Variants in GTF3A observed in about 807,000 individuals in gnomAD.
The protein encoded by GTF3A is general transcription factor IIIA.
In GTF3A, 40 loss-of-function variants were observed where a neutral mutation model predicts 37.6. That is an observed-to-expected ratio of 1.06 (90% CI 0.83 to 1.38). GTF3A has a LOEUF of 1.38. Among genes scored for constraint, GTF3A ranks in the 40% most tolerant of loss-of-function variants. GTF3A has a pLI of 0.00. For missense variants in GTF3A, 500 were observed against 462.6 expected, an observed-to-expected ratio of 1.08 and a Z score of -0.74; for synonymous variants, 191 against 166.7, an observed-to-expected ratio of 1.15 and a Z score of -1.12.
At chr13:27,425,011 GC>G in intron 1 of GTF3A, 73 bp downstream of exon 1, 1 of 1,149,314 alleles carries the variant, frequency 8.7e-7, no homozygotes, top group Non-Finnish European at 1.2e-6. Context: ...TGCAGTCGTG[GC>G]CAGGGCCGCA....
At chr13:27,434,754 A>G (rs1953693280) in intron 6 of GTF3A, 51 bp from the exon 7 acceptor site, 1 of 1,037,128 alleles carries the variant, frequency 9.6e-7, no homozygotes, top group East Asian at 2.4e-5. Flanking sequence ...AATTTTTTCT[A>G]AATGGTAATA....
In GTF3A at chr13:27,424,884, C is replaced by A. The variant is rs1333463250; in HGVS notation, c.147C>A (p.Ala49=). Residue 49 remains alanine, a synonymous_variant, in exon 1 of 9, where the codon GCC becomes GCA. Coordinates refer to ENST00000381140, the MANE Select transcript of GTF3A (RefSeq NM_002097.3). ...TCTGCTCCTTCCCTGACTGCAGCGC[C>A]AATTACAGCAAAGCCTGGAAGCTTG... 6.5e-7 allele frequency: 1 copy of A among 1,549,990 alleles called. No individual in the cohort carries two copies. The highest frequency in any genetic ancestry group is 1.2e-5 in the South Asian group (1 of 83,708).
intron 3 of GTF3A, 103 bp downstream of exon 3, chr13:27,430,069 T>G: frequency 1.9e-6 from 1 of 527,010 alleles, no homozygotes; most frequent in Non-Finnish European, 3.3e-6. Context: ...CCTATAATCG[T>G]AGCTTGAGGC....
chr13:27,434,560 C>G (rs1327667146), intron 6 of GTF3A: 1 of 565,416 alleles, frequency 1.8e-6, no homozygotes, highest in African/African-American at 1.9e-5. Flanking sequence ...TACCTCCCCA[C>G]AGTCACCTTC....
chr13:27,434,827 C>T lies in GTF3A; in HGVS notation c.666C>T (p.Cys222=), dbSNP rs777010621. 5.0e-6 allele frequency: 8 copies of T among 1,609,860 alleles called. No individual in the cohort carries two copies. Among genetic ancestry groups the T allele is most frequent in the Non-Finnish European group, 5.1e-6 (6 of 1,176,772 alleles). ...CAGAGGAAATACTATGTGAAGTATG[C>T]CGGAAAACATTTAAACGCAAAGATT... The change falls in exon 7 of 9, where the codon TGC becomes TGT. Residue 222 remains cysteine (C), a synonymous_variant. Transcript: ENST00000381140.
In GTF3A at chr13:27,434,212, C is replaced by T. The variant is rs772435835; in HGVS notation, c.636C>T (p.Thr212=). 3.3e-5 allele frequency: 41 copies of T among 1,245,398 alleles called. No homozygotes were observed. Among genetic ancestry groups the T allele is most frequent in the Non-Finnish European group, 4.5e-5 (38 of 843,362 alleles). The allele number at this position is 1,245,398 out of a possible 1,614,324, so 77.1% of individuals were successfully genotyped here. The change falls in exon 6 of 9, where the codon ACC becomes ACT. Residue 212 remains threonine (T), a synonymous_variant. Transcript: ENST00000381140. ...AACTTCTGAAACATGTGAGAGAAAC[C>T]CATAAAGGTAAGGCAGGCATGAATG...
chr13:27,426,066 C>T (rs1172354122), intron 1 of GTF3A: 1 of 152,662 alleles, frequency 6.6e-6, no homozygotes, highest in Non-Finnish European at 1.5e-5. Context: ...TCATAACATC[C>T]TTTATGCTTT....
chr13:27,433,526 A>C (rs1358816408), intron 5 of GTF3A, among the ~76,000 whole-genome samples: 205 of 44,984 alleles, frequency 4.6e-3, no homozygotes, highest in Admixed American at 0.014. Flanking sequence ...AAAAAAAAAA[A>C]CAAAAAAAAA....
intron 2 of GTF3A, 90 bp downstream of exon 2, chr13:27,427,282 G>A (rs1953614622): frequency 1.4e-6 from 1 of 717,308 alleles, no homozygotes; most frequent in East Asian, 2.7e-5. Context: ...CACGAGATCA[G>A]GAATGTGAAG....
chr13:27,432,123 A>G (rs1247765660), intron 4 of GTF3A, among the ~76,000 whole-genome samples: 1 of 152,212 alleles, frequency 6.6e-6, no homozygotes. Context: ...CAAGTTGGGT[A>G]GACCTGCAAA....
chr13:27,427,572 T>G (rs955515010), intron 2 of GTF3A, among the ~76,000 whole-genome samples: 4 of 152,046 alleles, frequency 2.6e-5, no homozygotes, highest in Non-Finnish European at 5.9e-5. Context: ...AGATGCTCTC[T>G]GCAAAGCCAT....
chr13:27,424,629 G>T lies in GTF3A; in HGVS notation c.-109G>T. 1.4e-6 allele frequency: 1 copy of T among 702,838 alleles called. No individual in the cohort carries two copies. The highest frequency in any genetic ancestry group is 2.0e-6 in the Non-Finnish European group (1 of 502,206). 43.5% of individuals were successfully genotyped at this position (702,838 alleles called of 1,614,324 possible). ...CGCGCGCGCTCCCGGAAGTGTGCCGGCGTCGCGCGAAGGTTCAGCAGGGAG... is the reference window on the plus strand; with the variant it reads ...CGCGCGCGCTCCCGGAAGTGTGCCGTCGTCGCGCGAAGGTTCAGCAGGGAG... On this transcript the variant is annotated 5_prime_UTR_variant, in exon 1 of 9. Coordinates refer to ENST00000381140, the MANE Select transcript of GTF3A (RefSeq NM_002097.3).
chr13:27,427,993 G>T (rs1953621311), intron 2 of GTF3A, among the ~76,000 whole-genome samples: 1 of 152,170 alleles, frequency 6.6e-6, no homozygotes, highest in African/African-American at 2.4e-5. Flanking sequence ...CATGTGGTAG[G>T]CTGGGTGTGG....
intron 3 of GTF3A, 117 bp from the exon 4 acceptor site, chr13:27,430,416 G>GTT (rs746151956): frequency 7.5e-5 from 46 of 616,430 alleles, no homozygotes; most frequent in Non-Finnish European, 1.2e-4. Context: ...TAACAAAATG[G>GTT]GTGAAAGCAG....
At chr13:27,424,977 G>A in intron 1 of GTF3A, 39 bp downstream of exon 1, 1 of 1,464,574 alleles carries the variant, frequency 6.8e-7, no homozygotes, top group South Asian at 1.3e-5. Flanking sequence ...GCCTAGGGAT[G>A]GCGCGTGGCC....
rs758341414 is a variant in GTF3A, at chr13:27,427,187, G to A, written c.297G>A (p.Pro99=). ...TTCTGACTCACACAGGAGAAAAGCC[G>A]TTTGTGTAAGTAGAGACCTGTTTTT... Residue 99 remains proline, a synonymous_variant, in exon 2 of 9, where the codon CCG becomes CCA. Transcript: ENST00000381140. 28 of 1,546,180 alleles carry A rather than the reference G, an allele frequency of 1.8e-5. No homozygotes were observed. Among genetic ancestry groups the A allele is most frequent in the African/African-American group, 2.7e-5 (2 of 73,716 alleles).
rs1566078721 is a variant in GTF3A at position 27,435,667 on chromosome 13, T to C, written c.*70T>C. 1 of 1,613,442 alleles carries C rather than the reference T, an allele frequency of 6.2e-7. No homozygotes were observed. The highest frequency in any genetic ancestry group is 8.5e-7 in the Non-Finnish European group (1 of 1,179,628). ...CTTTCTCTCAGAGCATGCTTTTCTT[T>C]ATTAAAATTACTGATGCAGAACATT... On this transcript the variant is annotated 3_prime_UTR_variant, in exon 9 of 9. Coordinates refer to ENST00000381140, the MANE Select transcript of GTF3A (RefSeq NM_002097.3).
In GTF3A at chr13:27,427,127, G is replaced by A. The variant is rs1375463539; in HGVS notation, c.237G>A (p.Lys79=). 4 of 1,605,534 alleles carry A rather than the reference G, an allele frequency of 2.5e-6. No individual in the cohort carries two copies. The highest frequency in any genetic ancestry group is 3.4e-6 in the Non-Finnish European group (4 of 1,172,718). The change falls in exon 2 of 9, where the codon AAG becomes AAA. Residue 79 remains lysine, a synonymous_variant. Transcript: ENST00000381140. ...TTTGTGACTATGAAGGGTGTGGCAA[G>A]GCCTTCATCAGGGACTACCATCTGA...
Position 27,426,859 on chromosome 13 carries a change from A to G in GTF3A, c.202-233A>G, listed in dbSNP as rs2296071. 0.058 allele frequency among the ~76,000 whole-genome samples: 8,841 copies of G among 152,232 alleles called. 438 individuals are homozygous for G. The highest frequency in any genetic ancestry group is 0.21 in the East Asian group (1,080 of 5,162). On this transcript the variant is annotated intron_variant, in intron 1 of 8. Coordinates refer to ENST00000381140, the MANE Select transcript of GTF3A (RefSeq NM_002097.3). Reference sequence around the variant, plus strand: ...AAAAATGCTATGCCTGCTTATTTTAAATGCTGTTCATGGAACAAAAATCTG... The same window carrying G: ...AAAAATGCTATGCCTGCTTATTTTAGATGCTGTTCATGGAACAAAAATCTG...
Sources: allele counts gnomAD v4.1 joint callset (sites outside exome capture counted in the v4.1 genomes callset), GRCh38; gene constraint gnomAD v4.1.1; transcripts MANE v1.5; gene names NCBI Gene and HGNC (gene_info 2026-07-23, HGNC 2026-07-21).